Variants in CIT observed in about 807,000 individuals in gnomAD.
CIT encodes the protein citron rho-interacting serine/threonine kinase, also known as citron Rho-interacting kinase.
CIT carries 79 observed loss-of-function variants against 272.7 expected under a neutral mutation model. That is an observed-to-expected ratio of 0.29 (90% confidence interval 0.24 to 0.35). CIT has a LOEUF of 0.35. Ranked by LOEUF, CIT falls within the 10% of genes least tolerant of loss-of-function variation. CIT has a pLI of 1.00. For missense variants in CIT, 1,909 were observed against 2,618.3 expected, an observed-to-expected ratio of 0.73 and a Z score of 5.91; for synonymous variants, 948 against 995.6, an observed-to-expected ratio of 0.95 and a Z score of 0.90.
At chr12:119,754,973 T>TA (rs149954188) in intron 22 of CIT, among the ~76,000 whole-genome samples, 1,999 of 152,304 alleles carry the variant, frequency 0.013, 43 homozygotes, top group African/African-American at 0.045. Context: ...CTGGATTGTT[T>TA]AGACTCAAAC....
At chr12:119,766,673 G>A (rs913803138) in intron 19 of CIT, among the ~76,000 whole-genome samples, 2 of 151,972 alleles carry the variant, frequency 1.3e-5, no homozygotes, top group East Asian at 1.9e-4. Flanking sequence ...TTGAGGGGAT[G>A]GACACCCCAT....
chr12:119,863,551 G>A (rs560187735), intron 3 of CIT, among the ~76,000 whole-genome samples: 1 of 151,660 alleles, frequency 6.6e-6, no homozygotes, highest in Non-Finnish European at 1.5e-5. Context: ...GTTTTGAGAC[G>A]GAGTCTTACT....
intron 22 of CIT, among the ~76,000 whole-genome samples, chr12:119,756,980 T>G (rs1265504059): frequency 1.3e-5 from 2 of 151,868 alleles, no homozygotes; most frequent in African/African-American, 2.4e-5. Context: ...ATTGGCTGGG[T>G]GTGGTGCCAG....
At chr12:119,787,111 C>T (rs1221631271) in intron 10 of CIT, among the ~76,000 whole-genome samples, 3 of 152,158 alleles carry the variant, frequency 2.0e-5, no homozygotes, top group African/African-American at 7.2e-5. Context: ...ACTACAGGCA[C>T]GCACCACCAC....
At chr12:119,769,520 C>T (rs903279049) in intron 18 of CIT, among the ~76,000 whole-genome samples, 3 of 152,170 alleles carry the variant, frequency 2.0e-5, no homozygotes, top group Admixed American at 6.5e-5. Flanking sequence ...CAGAGAAACA[C>T]TTTGCAACCA....
At chr12:119,711,215 T>C in intron 37 of CIT, 1 of 670,730 alleles carries the variant, frequency 1.5e-6, no homozygotes. Flanking sequence ...GTTAAGAATC[T>C]GCCAATTGCT....
chr12:119,785,791 G>A (rs1964735739), intron 10 of CIT, among the ~76,000 whole-genome samples: 1 of 152,124 alleles, frequency 6.6e-6, no homozygotes, highest in Admixed American at 6.5e-5. Context: ...TGTTGGCTAG[G>A]CTAGTCTGGA....
chr12:119,750,288 T>C (rs1314536127), intron 23 of CIT, among the ~76,000 whole-genome samples: 2 of 152,232 alleles, frequency 1.3e-5, no homozygotes, highest in Non-Finnish European at 2.9e-5. Context: ...CTATAAGCCT[T>C]CTTGGCATGA....
At chr12:119,840,790 T>TC in intron 5 of CIT, among the ~76,000 whole-genome samples, 1 of 152,228 alleles carries the variant, frequency 6.6e-6, no homozygotes, top group East Asian at 1.9e-4. Context: ...AATCAGATAA[T>TC]CTTAGCTGAG....
intron 40 of CIT, 54 bp downstream of exon 40, chr12:119,708,125 G>C (rs1956971409): frequency 6.9e-7 from 1 of 1,453,014 alleles, no homozygotes; most frequent in African/African-American, 1.5e-5. Context: ...TGGGAAGAGA[G>C]GTAGTGTCAA....
chr12:119,875,953 A>G, intron 2 of CIT, 120 bp downstream of exon 2: 1 of 642,864 alleles, frequency 1.6e-6, no homozygotes, highest in South Asian at 1.9e-5. Context: ...GCACCACTGT[A>G]CTCCAGCCTG....
rs150408356 is a variant in CIT, at chr12:119,697,164, G to A, written c.5882+495C>T. On this transcript the variant is annotated intron_variant, in intron 46 of 47. Coordinates refer to ENST00000392521, the MANE Select transcript of CIT (RefSeq NM_001206999.2). This position sits in a 1 kb window ranked among gnomAD's most constrained non-coding sequence, Gnocchi z 4.9. ...TCACTGGTCTCCCTGCCCCCACCTC[G>A]TATCTGATGGGAAATCCTCCCTCAC... 3.1e-3 allele frequency among the ~76,000 whole-genome samples: 469 copies of A among 151,994 alleles called. 2 individuals are homozygous for A. The highest frequency in any genetic ancestry group is 0.01 in the African/African-American group (433 of 41,438).
chr12:119,733,762 GTC>G (rs1234585938), intron 26 of CIT, among the ~76,000 whole-genome samples: 2 of 152,080 alleles, frequency 1.3e-5, no homozygotes, highest in East Asian at 3.9e-4. Context: ...AGCCTGACAT[GTC>G]AATAGTGCCA....
Position 119,686,633 on chromosome 12 carries a change from C to G in CIT, c.*1599G>C, listed in dbSNP as rs1480898443. On this transcript the variant is annotated 3_prime_UTR_variant, in exon 48 of 48. Coordinates refer to ENST00000392521, the MANE Select transcript of CIT (RefSeq NM_001206999.2). ...GGTGGAAACGGGTCTACCTTTGAGCCTACCTAGGAGGTGCCTGGGTTGTTG... is the reference window on the plus strand; with the variant it reads ...GGTGGAAACGGGTCTACCTTTGAGCGTACCTAGGAGGTGCCTGGGTTGTTG... The G allele has an allele frequency of 6.6e-6, 1 of 152,306 alleles. No homozygotes were observed. Among genetic ancestry groups the G allele is most frequent in the East Asian group, 1.9e-4 (1 of 5,204 alleles). 9.4% of individuals were successfully genotyped at this position (152,306 alleles called of 1,614,324 possible). A position where few individuals can be genotyped will look rare whatever the true frequency, so the allele number is the denominator to read the frequency against.
rs1038756310 is a variant in CIT, at chr12:119,720,500, T to C, written c.3818A>G (p.Asp1273Gly). The change falls in exon 30 of 48, where the codon GAC becomes GGC. Residue 1273 changes from aspartate (D) to glycine (G), a missense_variant. This residue lies in a region of CIT where 780 missense variants were observed against 1,067.2 expected (regional missense o/e 0.73). Coordinates refer to ENST00000392521, the MANE Select transcript of CIT (RefSeq NM_001206999.2). ...CACCTTTTTCTTTTTAGCAGGTTGG[T>C]CCATTTTGGCTTGCAGAAAATCAAT... ...KLIDFLQAKMDQPAKKKKGLF... is the reference protein window; with the variant it reads ...KLIDFLQAKMGQPAKKKKGLF... The C allele has an allele frequency of 1.4e-5, 22 of 1,608,450 alleles. No individual in the cohort carries two copies. Among genetic ancestry groups the C allele is most frequent in the Non-Finnish European group, 1.9e-5 (22 of 1,178,692 alleles).
rs1296571051 is a variant in CIT, at chr12:119,804,481, C to T, written c.1112-1092G>A. On this transcript the variant is annotated intron_variant, in intron 9 of 47. Transcript: ENST00000392521. This position sits in a 1 kb window ranked among gnomAD's most constrained non-coding sequence, Gnocchi z 5.3. Reference sequence around the variant, plus strand: ...GCCGCCTGCCTGCCAGGGGCCAGTGCTGATCCCAGTGACAGAGCAGCATGA... The same window carrying T: ...GCCGCCTGCCTGCCAGGGGCCAGTGTTGATCCCAGTGACAGAGCAGCATGA... 2.0e-6 allele frequency: 2 copies of T among 985,694 alleles called. No individual in the cohort carries two copies. The highest frequency in any genetic ancestry group is 1.7e-5 in the African/African-American group (1 of 57,266). The allele number at this position is 985,694 out of a possible 1,614,324, so 61.1% of individuals were successfully genotyped here. A position where few individuals can be genotyped will look rare whatever the true frequency, so the allele number is the denominator to read the frequency against.
intron 44 of CIT, 28 bp from the exon 45 acceptor site, chr12:119,698,082 T>C (rs751660997): frequency 3.8e-6 from 6 of 1,598,642 alleles, no homozygotes; most frequent in Non-Finnish European, 5.1e-6. Context: ...AGGCACAGTG[T>C]GGGCCAAAGA....
chr12:119,829,607 ACTATG>A (rs1231004639), intron 7 of CIT, among the ~76,000 whole-genome samples: 4 of 152,220 alleles, frequency 2.6e-5, no homozygotes, highest in African/African-American at 9.6e-5. Flanking sequence ...ATTATCACTT[ACTATG>A]CTATATAATG....
chr12:119,775,685 C>T, intron 16 of CIT, 101 bp downstream of exon 16: 1 of 865,598 alleles, frequency 1.2e-6, no homozygotes, highest in Non-Finnish European at 1.9e-6. Flanking sequence ...CGCTGGGTGA[C>T]TAATTCTGTT....
Sources: gnomAD v4.1 joint callset for allele counts (sites outside exome capture counted in the v4.1 genomes callset) on GRCh38, gnomAD v4.1.1 for gene constraint, gnomAD v4.1.1 regional missense constraint, Gnocchi (gnomAD v3.1) non-coding constraint, MANE v1.5 for transcripts, NCBI Gene and HGNC (gene_info 2026-07-23, HGNC 2026-07-21) for gene names.